The following DOCK2 variants were observed in gnomAD, a reference collection of about 807,000 sequenced individuals.
The protein encoded by DOCK2 is dedicator of cytokinesis protein 2.
A neutral mutation model predicts 248.9 loss-of-function variants in DOCK2; 87 were observed. That is an observed-to-expected ratio of 0.35 (90% CI 0.29 to 0.42). DOCK2 has a LOEUF of 0.42. Among genes scored for constraint, DOCK2 ranks in the 10% least tolerant of loss-of-function variants. DOCK2 has a pLI of 1.00. For synonymous variants in DOCK2, 805 were observed against 821.6 expected (o/e 0.98, Z 0.35); for missense variants, 1,747 against 2,300.2 (o/e 0.76, Z 4.92).
intron 35 of DOCK2, among the ~76,000 whole-genome samples, chr5:170,035,990 T>G (rs921224236): frequency 1.3e-5 from 2 of 152,190 alleles, no homozygotes; most frequent in Non-Finnish European, 2.9e-5. Flanking sequence ...AATAGGGACC[T>G]AGATTCCTAC....
chr5:170,023,847 G>A (rs972955109), intron 33 of DOCK2, among the ~76,000 whole-genome samples: 16 of 152,344 alleles, frequency 1.1e-4, no homozygotes, highest in African/African-American at 3.8e-4. Flanking sequence ...GTCAGCACCA[G>A]ACGTGTGAGG....
chr5:169,738,670 G>A (rs145222956), intron 22 of DOCK2, among the ~76,000 whole-genome samples: 1 of 152,308 alleles, frequency 6.6e-6, no homozygotes, highest in Non-Finnish European at 1.5e-5. Context: ...CAGTATGTAT[G>A]GAACATGTAT....
intron 28 of DOCK2, among the ~76,000 whole-genome samples, chr5:169,984,860 C>A (rs1251787942): frequency 6.6e-6 from 1 of 152,172 alleles, no homozygotes; most frequent in South Asian, 2.1e-4. Context: ...GTCTTCACTA[C>A]CTCCAGCTCA....
At chr5:169,799,085 G>A (rs532937647) in intron 25 of DOCK2, among the ~76,000 whole-genome samples, 9 of 152,198 alleles carry the variant, frequency 5.9e-5, no homozygotes, top group East Asian at 5.8e-4. Context: ...GACAACCTGC[G>A]CACTCTTATA....
At chr5:169,637,425 G>T (rs1347575770) in intron 1 of DOCK2, 56 bp downstream of exon 1, 3 of 1,304,918 alleles carry the variant, frequency 2.3e-6, no homozygotes, top group Non-Finnish European at 2.9e-6. Context: ...GGAGAGCCGC[G>T]AGCAGGAGGA....
chr5:169,735,591 G>T (rs1262184451), intron 22 of DOCK2, among the ~76,000 whole-genome samples: 1 of 152,200 alleles, frequency 6.6e-6, no homozygotes, highest in Admixed American at 6.5e-5. Context: ...ATAGACGTCA[G>T]TTTTTATTTA....
At chr5:169,963,733 C>G (rs78607863) in intron 27 of DOCK2, among the ~76,000 whole-genome samples, 1 of 152,130 alleles carries the variant, frequency 6.6e-6, no homozygotes, top group Non-Finnish European at 1.5e-5. Context: ...CTACCAGCAG[C>G]ATTTTTCCCT....
chr5:170,009,777 CCACTGTGGGGGA>C (rs1755213227), intron 32 of DOCK2, among the ~76,000 whole-genome samples: 1 of 152,158 alleles, frequency 6.6e-6, no homozygotes, highest in South Asian at 2.1e-4. Context: ...CGAGTTCTAT[CCACTGTGGGGGA>C]AGCATAGAGC....
chr5:170,016,297 G>A (rs1755536859), intron 32 of DOCK2, among the ~76,000 whole-genome samples: 1 of 152,214 alleles, frequency 6.6e-6, no homozygotes, highest in Non-Finnish European at 1.5e-5. Flanking sequence ...CTCGAATACA[G>A]CAGCAGGTGT....
rs1476321629 is a variant in DOCK2, at chr5:169,840,741, TCTGA to T, written c.2704-12_2704-9del. ...GTGTCCTGGTTGTCACATAGATGTC[TCTGA>T]CTGTTTTACAGGCCTTCACCTACCA... is the stretch of plus-strand genomic sequence containing the variant. On this transcript the variant is annotated splice_polypyrimidine_tract_variant and intron_variant, in intron 26 of 51. Coordinates refer to ENST00000520908, the MANE Select transcript of DOCK2 (RefSeq NM_004946.3). The T allele has an allele frequency of 1.2e-6, 2 of 1,612,926 alleles. No individual in the cohort carries two copies. The highest frequency in any genetic ancestry group is 1.7e-5 in the Admixed American group (1 of 59,962).
intron 22 of DOCK2, among the ~76,000 whole-genome samples, chr5:169,730,585 C>T (rs556904889): frequency 7.2e-5 from 11 of 152,290 alleles, no homozygotes; most frequent in Admixed American, 2.0e-4. Flanking sequence ...ATGGACCACA[C>T]GTGTGTCGTA....
chr5:169,716,870 G>A (rs976710469), intron 20 of DOCK2, among the ~76,000 whole-genome samples: 1 of 152,124 alleles, frequency 6.6e-6, no homozygotes, highest in Admixed American at 6.5e-5. Context: ...GGGAATCAGT[G>A]CCCAACAAAG....
At chr5:169,958,668 G>A (rs1776960852) in intron 27 of DOCK2, among the ~76,000 whole-genome samples, 1 of 151,958 alleles carries the variant, frequency 6.6e-6, no homozygotes, top group Non-Finnish European at 1.5e-5. Flanking sequence ...TTGAGTGTTA[G>A]GCGTGGAGCT....
At chr5:170,028,048 G>A in intron 34 of DOCK2, 100 bp downstream of exon 34, 1 of 1,043,880 alleles carries the variant, frequency 9.6e-7, no homozygotes. Context: ...GTCCTCCCCT[G>A]GAGATGGATC....
At chr5:169,977,387 G>T (rs543667462) in intron 27 of DOCK2, among the ~76,000 whole-genome samples, 34 of 152,314 alleles carry the variant, frequency 2.2e-4, no homozygotes, top group African/African-American at 7.9e-4. Context: ...AATCTGCATA[G>T]CTTCTCTGGA....
chr5:170,059,165 AAG>A (rs10598301), intron 44 of DOCK2, among the ~76,000 whole-genome samples: 32,093 of 149,862 alleles, frequency 0.21, 3,740 homozygotes, highest in African/African-American at 0.28. Flanking sequence ...CCTTAAGAAA[AAG>A]AAGAGCCCAC....
At chr5:169,770,178 A>G (rs902127310) in intron 25 of DOCK2, among the ~76,000 whole-genome samples, 3 of 152,230 alleles carry the variant, frequency 2.0e-5, no homozygotes, top group African/African-American at 7.2e-5. Context: ...TTTTAATAAC[A>G]AATGAAGCAT....
At chr5:170,058,601 G>C (rs1757218833) in intron 44 of DOCK2, among the ~76,000 whole-genome samples, 1 of 152,176 alleles carries the variant, frequency 6.6e-6, no homozygotes, top group Non-Finnish European at 1.5e-5. Flanking sequence ...GAGACAGCAA[G>C]TGAAAAGCCC....
Position 169,875,145 on chromosome 5 carries a change from G to A in DOCK2, c.2799+34293G>A, listed in dbSNP as rs540732888. The A allele has an allele frequency of 6.6e-6, 3 of 451,702 alleles. 1 individual carries two copies. The highest frequency in any genetic ancestry group is 4.7e-5 in the South Asian group (3 of 63,984). The allele number at this position is 451,702 out of a possible 1,614,324, so 28.0% of individuals were successfully genotyped here. A position where few individuals can be genotyped will look rare whatever the true frequency, so the allele number is the denominator to read the frequency against. On this transcript the variant is annotated intron_variant, in intron 27 of 51. Transcript: ENST00000520908. ...GGGCTGGTTGTCACAAAACTTTCTA[G>A]TAAATCAAGTATCTTCTTTCAAGAC...
Sources: allele counts gnomAD v4.1 joint callset (sites outside exome capture counted in the v4.1 genomes callset), GRCh38; gene constraint gnomAD v4.1.1; transcripts MANE v1.5; gene names NCBI Gene and HGNC (gene_info 2026-07-23, HGNC 2026-07-21).